Variants in KANSL3 observed in about 807,000 individuals in gnomAD.
The protein encoded by KANSL3 is KAT8 regulatory NSL complex subunit 3.
KANSL3 carries 16 observed loss-of-function variants against 89.2 expected under a neutral mutation model. The ratio of observed to expected loss-of-function variants is 0.18; its 90% CI spans 0.12 to 0.27. The LOEUF is 0.27. Among genes scored for constraint, KANSL3 ranks in the 10% least tolerant of loss-of-function variants. The pLI, the probability that KANSL3 is intolerant of heterozygous loss-of-function variation, is 1.00. For missense variants in KANSL3, 879 were observed against 1,110.6 expected, an observed-to-expected ratio of 0.79 and a Z score of 2.96; for synonymous variants, 385 against 419.7, an observed-to-expected ratio of 0.92 and a Z score of 1.01.
At chr2:96,606,902 TG>T in intron 14 of KANSL3, 1 of 843,098 alleles carries the variant, frequency 1.2e-6, no homozygotes, top group Non-Finnish European at 1.7e-6. Context: ...GAGGCAGAGA[TG>T]GAAAATAAAT....
chr2:96,591,746 A>G (rs2066278607), downstream of KANSL3, among the ~76,000 whole-genome samples: 1 of 152,170 alleles, frequency 6.6e-6, no homozygotes, highest in African/African-American at 2.4e-5. Context: ...CAGAATTTGA[A>G]CTGAATGAAA....
intron 2 of KANSL3, among the ~76,000 whole-genome samples, chr2:96,633,416 A>C (rs1394216142): frequency 2.0e-5 from 3 of 152,060 alleles, no homozygotes; most frequent in Admixed American, 2.0e-4. Context: ...CTTAAAAAAA[A>C]CAAAAATTAG....
At position 96,612,809 on chromosome 2, in the gene KANSL3, C is replaced by G; in HGVS notation, c.912+9G>C. The stretch of plus-strand genomic sequence containing the variant: ...GCCAGGAAGGAGTTCCTCTTGCCCC[C>G]ACACATACCTTGCCCAAGCAGGACA... On this transcript the variant is annotated intron_variant, in intron 7 of 20. Coordinates refer to ENST00000431828, the MANE Select transcript of KANSL3 (RefSeq NM_001115016.3). 7 of 1,547,304 alleles carry G rather than the reference C, an allele frequency of 4.5e-6. No individual in the cohort carries two copies. The highest frequency in any genetic ancestry group is 1.2e-5 in the South Asian group (1 of 84,136).
At chr2:96,613,446 A>AGCC in intron 6 of KANSL3, 42 bp downstream of exon 6, 2 of 1,553,766 alleles carry the variant, frequency 1.3e-6, no homozygotes, top group Non-Finnish European at 1.7e-6. Flanking sequence ...TGAGTCTAAA[A>AGCC]TTTTTATGTA....
intron 18 of KANSL3, 91 bp downstream of exon 18, chr2:96,602,662 G>T: frequency 1.0e-6 from 1 of 991,012 alleles, no homozygotes; most frequent in Non-Finnish European, 1.5e-6. Context: ...TTGATCCACT[G>T]ACTCCAGACC....
At chr2:96,610,630 C>T in intron 11 of KANSL3, 96 bp downstream of exon 11, 6 of 1,438,308 alleles carry the variant, frequency 4.2e-6, no homozygotes, top group South Asian at 1.3e-5. Context: ...TGTCTTTTAA[C>T]TGAACCAGAC....
intron 2 of KANSL3, among the ~76,000 whole-genome samples, chr2:96,635,409 T>C (rs1303287369): frequency 6.6e-6 from 1 of 152,194 alleles, no homozygotes; most frequent in African/African-American, 2.4e-5. Context: ...AACAATTTTC[T>C]AAGTACCAAA....
chr2:96,635,925 TG>T, intron 2 of KANSL3, among the ~76,000 whole-genome samples: 1 of 149,490 alleles, frequency 6.7e-6, no homozygotes, highest in East Asian at 2.0e-4. Context: ...ACCCAGGAGG[TG>T]GAGGTTGCAG....
the KANSL3 span, among the ~76,000 whole-genome samples, chr2:96,581,570 T>C: frequency 2.6e-5 from 4 of 152,236 alleles, no homozygotes; most frequent in East Asian, 7.7e-4. Context: ...CTGCTTTTTA[T>C]CTTTTGCTCC....
intron 3 of KANSL3, among the ~76,000 whole-genome samples, chr2:96,620,548 G>C (rs2071064742): frequency 6.6e-6 from 1 of 152,068 alleles, no homozygotes; most frequent in Non-Finnish European, 1.5e-5. Context: ...ACCCAGTTTA[G>C]TGATATGGAG....
chr2:96,611,045 A>G lies in KANSL3; in HGVS notation c.1161+19T>C. 1 of 1,613,088 alleles carries G rather than the reference A, an allele frequency of 6.2e-7. No individual in the cohort carries two copies. ...TCCCACTGCCAATGACCCAGCACTC[A>G]GCTTTACCACATTCTTACCCCTCTG... On this transcript the variant is annotated intron_variant, in intron 10 of 20. Coordinates refer to ENST00000431828, the MANE Select transcript of KANSL3 (RefSeq NM_001115016.3).
At chr2:96,591,100 T>C (rs1056871683), downstream of KANSL3, among the ~76,000 whole-genome samples, 2 of 152,178 alleles carry the variant, frequency 1.3e-5, no homozygotes, top group South Asian at 2.1e-4. Flanking sequence ...TGTCCCTCAA[T>C]AGGTGAATGA....
At chr2:96,598,653 T>G (rs903049016) in intron 20 of KANSL3, among the ~76,000 whole-genome samples, 1 of 152,196 alleles carries the variant, frequency 6.6e-6, no homozygotes, top group African/African-American at 2.4e-5. Flanking sequence ...CTCACGCCTG[T>G]AATCCCAACA....
intron 11 of KANSL3, 53 bp from the exon 12 acceptor site, chr2:96,609,615 T>C: frequency 1.4e-6 from 2 of 1,454,302 alleles, no homozygotes; most frequent in Non-Finnish European, 1.9e-6. Context: ...CACGGCATCC[T>C]ATGAAAATAA....
intron 2 of KANSL3, among the ~76,000 whole-genome samples, chr2:96,635,505 C>A (rs2074112128): frequency 6.6e-6 from 1 of 152,010 alleles, no homozygotes; most frequent in African/African-American, 2.4e-5. Context: ...AGCTAATATG[C>A]AGCAAAAAAG....
intron 3 of KANSL3, among the ~76,000 whole-genome samples, chr2:96,630,207 A>G (rs1474876386): frequency 6.6e-6 from 1 of 152,246 alleles, no homozygotes; most frequent in Non-Finnish European, 1.5e-5. Flanking sequence ...AGATCCACAC[A>G]AAAACTTGTA....
chr2:96,601,254 C>T (rs1258620780), intron 20 of KANSL3: 16 of 931,726 alleles, frequency 1.7e-5, no homozygotes, highest in Non-Finnish European at 1.8e-5. Context: ...GGCGATAGAG[C>T]AAGACTCCAT....
chr2:96,634,073 A>G (rs1224211916), intron 2 of KANSL3: 1 of 152,222 alleles, frequency 6.6e-6, no homozygotes. Flanking sequence ...ACTGGTAGTT[A>G]TTTAATATAT....
intron 11 of KANSL3, 132 bp downstream of exon 11, chr2:96,610,594 C>A: frequency 1.1e-6 from 1 of 939,838 alleles, no homozygotes; most frequent in Non-Finnish European, 1.6e-6. Flanking sequence ...GGATTACAGG[C>A]GTGAGCCACC....
Sources: gnomAD v4.1 joint callset for allele counts (sites outside exome capture counted in the v4.1 genomes callset) on GRCh38, gnomAD v4.1.1 for gene constraint, MANE v1.5 for transcripts, NCBI Gene and HGNC (gene_info 2026-07-23, HGNC 2026-07-21) for gene names.